The following PHF24 variants were observed in gnomAD, a reference collection of about 807,000 sequenced individuals.
The protein encoded by PHF24 is PHD finger protein 24, also known as Galpha inhibitory interacting protein.
A neutral mutation model predicts 42.6 loss-of-function variants in PHF24; 25 were observed. That is an observed-to-expected ratio of 0.59 (90% confidence interval 0.43 to 0.82). The LOEUF (loss-of-function observed/expected upper bound fraction) is 0.82. PHF24 is among the 40% of genes least tolerant of loss of function. PHF24 has a pLI of 0.00. For synonymous variants in PHF24, 185 were observed against 204.8 expected (o/e 0.90, Z 0.83); for missense variants, 470 against 538.1 (o/e 0.87, Z 1.25).
At chr9:34,697,480 C>G in the PHF24 span, among the ~76,000 whole-genome samples, 2 of 152,144 alleles carry the variant, frequency 1.3e-5, no homozygotes, top group Non-Finnish European at 2.9e-5. Flanking sequence ...CCATCATGCC[C>G]GGCTGACTTT....
the PHF24 span, chr9:34,833,179 G>A: frequency 1.3e-6 from 2 of 1,541,356 alleles, no homozygotes; most frequent in Non-Finnish European, 1.8e-6. Context: ...CTAGCATGGG[G>A]ACATGGGCTG....
the PHF24 span, among the ~76,000 whole-genome samples, chr9:34,876,668 AAAAG>A: frequency 4.8e-3 from 724 of 152,280 alleles, 4 homozygotes; most frequent in African/African-American, 0.016. Flanking sequence ...ATTATTAAAA[AAAAG>A]AAAGAAAGAA....
At chr9:34,686,753 A>G in the PHF24 span, among the ~76,000 whole-genome samples, 2 of 152,302 alleles carry the variant, frequency 1.3e-5, no homozygotes, top group East Asian at 3.9e-4. Context: ...GTGTCTATCT[A>G]TAGGCAGGCA....
At chr9:34,666,702 C>T in the PHF24 span, among the ~76,000 whole-genome samples, 1 of 152,120 alleles carries the variant, frequency 6.6e-6, no homozygotes, top group Admixed American at 6.5e-5. Context: ...AATCCCAGCA[C>T]TTTGGGAGGC....
At chr9:34,753,197 G>C in the PHF24 span, among the ~76,000 whole-genome samples, 20 of 151,990 alleles carry the variant, frequency 1.3e-4, no homozygotes, top group Admixed American at 7.2e-4. Context: ...GAAACAAAGG[G>C]CAAAAACATC....
At chr9:34,798,785 T>G in the PHF24 span, among the ~76,000 whole-genome samples, 87 of 152,294 alleles carry the variant, frequency 5.7e-4, 2 homozygotes, top group Middle Eastern at 0.017. Context: ...AGAACTCTCT[T>G]CTTTTCACAG....
At chr9:34,958,040 T>TCCCACGGCGC (rs1826429583), upstream of PHF24, among the ~76,000 whole-genome samples, 3 of 150,298 alleles carry the variant, frequency 2.0e-5, no homozygotes, top group South Asian at 6.2e-4. The surrounding 1 kb of genome is among the most constrained non-coding windows in gnomAD (Gnocchi z 4.5). Context: ...CCTCCCGCAT[T>TCCCACGGCGC]CCCACGGCGC....
At chr9:34,801,313 T>A in the PHF24 span, among the ~76,000 whole-genome samples, 1 of 152,222 alleles carries the variant, frequency 6.6e-6, no homozygotes, top group Non-Finnish European at 1.5e-5. Flanking sequence ...CAAAGGATTA[T>A]AAGTCATTCT....
the PHF24 span, among the ~76,000 whole-genome samples, chr9:34,705,638 G>A: frequency 3.3e-5 from 5 of 152,168 alleles, no homozygotes; most frequent in Non-Finnish European, 5.9e-5. Context: ...AGTTTTAGTC[G>A]GGGCTCAGTG....
At chr9:34,838,491 C>G in the PHF24 span, 3 of 1,344,766 alleles carry the variant, frequency 2.2e-6, no homozygotes, top group Non-Finnish European at 3.1e-6. Context: ...TAGGGCTCAA[C>G]ATGGTCTAAA....
chr9:34,758,077 T>G, the PHF24 span, among the ~76,000 whole-genome samples: 1 of 152,118 alleles, frequency 6.6e-6, no homozygotes, highest in Non-Finnish European at 1.5e-5. The surrounding 1 kb of genome is among the most constrained non-coding windows in gnomAD (Gnocchi z 4.4). Flanking sequence ...ATCGCAAGTC[T>G]GCTTGGCTGG....
the PHF24 span, among the ~76,000 whole-genome samples, chr9:34,753,451 T>C: frequency 6.6e-6 from 1 of 151,976 alleles, no homozygotes; most frequent in African/African-American, 2.4e-5. Context: ...GAAAGATCTC[T>C]ATGATAAAAA....
At chr9:34,835,476 A>G in the PHF24 span, 3 of 1,551,870 alleles carry the variant, frequency 1.9e-6, no homozygotes, top group East Asian at 2.4e-5. Context: ...ACCATATGCA[A>G]GGCCATCGGA....
At chr9:34,732,860 C>T in the PHF24 span, among the ~76,000 whole-genome samples, 18 of 152,202 alleles carry the variant, frequency 1.2e-4, no homozygotes, top group East Asian at 3.5e-3. Flanking sequence ...AATATATCTT[C>T]TGTATATAAT....
the PHF24 span, among the ~76,000 whole-genome samples, chr9:34,891,501 A>G: frequency 6.6e-6 from 1 of 152,176 alleles, no homozygotes; most frequent in South Asian, 2.1e-4. Flanking sequence ...CTGGTGCTGC[A>G]TGCTGGGAAG....
intron 1 of PHF24, among the ~76,000 whole-genome samples, chr9:34,963,767 C>G (rs73497309): frequency 6.6e-6 from 1 of 152,310 alleles, no homozygotes; most frequent in African/African-American, 2.4e-5. Context: ...GTTCTCATCC[C>G]TGCTAGCCCT....
At chr9:34,671,520 C>A in the PHF24 span, among the ~76,000 whole-genome samples, 2 of 152,270 alleles carry the variant, frequency 1.3e-5, no homozygotes, top group African/African-American at 2.4e-5. Context: ...TACCCCAGGG[C>A]AATGTGAATT....
At chr9:34,894,922 A>G in the PHF24 span, 1 of 397,080 alleles carries the variant, frequency 2.5e-6, no homozygotes, top group Non-Finnish European at 4.4e-6. Flanking sequence ...CCTGGGGGGT[A>G]CTAGAGTCTG....
the PHF24 span, among the ~76,000 whole-genome samples, chr9:34,914,163 C>T: frequency 6.6e-6 from 1 of 152,150 alleles, no homozygotes; most frequent in Non-Finnish European, 1.5e-5. Flanking sequence ...CCTCTTCCTC[C>T]ATCTGCTTTC....
Sources: gnomAD v4.1 joint callset for allele counts (sites outside exome capture counted in the v4.1 genomes callset) on GRCh38, gnomAD v4.1.1 for gene constraint, Gnocchi (gnomAD v3.1) non-coding constraint, MANE v1.5 for transcripts, NCBI Gene and HGNC (gene_info 2026-07-23, HGNC 2026-07-21) for gene names.